Variants in NEK1 observed in about 807,000 individuals in gnomAD.
NEK1 encodes serine/threonine-protein kinase Nek1.
Under a neutral mutation model 182.1 loss-of-function variants are expected in NEK1, and 137 were observed. The ratio of observed to expected loss-of-function variants is 0.75; its 90% confidence interval spans 0.65 to 0.87. NEK1 has a LOEUF of 0.87. NEK1 is among the 40% of genes least tolerant of loss of function. NEK1 has a pLI of 0.00. For missense variants in NEK1, 1,391 were observed against 1,494.4 expected, an observed-to-expected ratio of 0.93 and a Z score of 1.14; for synonymous variants, 513 against 492.2, an observed-to-expected ratio of 1.04 and a Z score of -0.56.
At position 169,491,977 on chromosome 4, in the gene NEK1, C is replaced by T. The variant is rs1359467342; in HGVS notation, c.2008-12443G>A. Among the ~76,000 whole-genome samples the T allele has an allele frequency of 3.3e-5, 5 of 152,138 alleles. No individual in the cohort carries two copies. The East Asian group carries it at 9.6e-4, about 29-fold the overall frequency. On this transcript the variant is annotated intron_variant, in intron 23 of 35. Transcript: ENST00000507142. Reference sequence around the variant, plus strand: ...TGCTTTGTGTAAGCCTCATGATTAACTACAAAGCAAAAAACTACAGTAGAT... The same window carrying T: ...TGCTTTGTGTAAGCCTCATGATTAATTACAAAGCAAAAAACTACAGTAGAT...
chr4:169,605,417 G>C (rs1467868996), intron 2 of NEK1, among the ~76,000 whole-genome samples: 2 of 152,076 alleles, frequency 1.3e-5, no homozygotes, highest in African/African-American at 4.8e-5. Flanking sequence ...ATGACTTTCA[G>C]GAAAACAGAC....
At chr4:169,418,971 G>A (rs1735002354) in intron 31 of NEK1, among the ~76,000 whole-genome samples, 1 of 151,986 alleles carries the variant, frequency 6.6e-6, no homozygotes, top group Admixed American at 6.6e-5. Flanking sequence ...TTATAATAAA[G>A]CTGAAAAATT....
intron 27 of NEK1, among the ~76,000 whole-genome samples, chr4:169,455,452 G>A (rs1337683110): frequency 1.3e-5 from 2 of 151,772 alleles, no homozygotes; most frequent in Admixed American, 1.3e-4. Context: ...AACCAAAAAA[G>A]GGCAGAAGTA....
intron 23 of NEK1, among the ~76,000 whole-genome samples, chr4:169,496,651 A>T (rs1039577408): frequency 2.0e-5 from 3 of 147,030 alleles, no homozygotes; most frequent in Admixed American, 2.0e-4. Context: ...TTCTGCATCT[A>T]TTGAGATAAT....
At chr4:169,498,472 A>G (rs924607521) in intron 23 of NEK1, among the ~76,000 whole-genome samples, 2 of 152,148 alleles carry the variant, frequency 1.3e-5, no homozygotes, top group Non-Finnish European at 2.9e-5. Flanking sequence ...TATTTTGCTC[A>G]TTAGTTGATG....
rs557237602 is a variant in NEK1, at chr4:169,424,455, T to A, written c.3222+98A>T. 18 of 1,353,420 alleles carry A rather than the reference T, an allele frequency of 1.3e-5. No individual in the cohort carries two copies. In the African/African-American group the frequency reaches 2.5e-4, roughly 19 times the overall value. 83.8% of individuals were successfully genotyped at this position (1,353,420 alleles called of 1,614,324 possible). Reference sequence around the variant, plus strand: ...TTTGTTGGATGTGTGTTTGTGTCTGTGTTAAGAGATTAAAACTCAATATTA... The same window carrying A: ...TTTGTTGGATGTGTGTTTGTGTCTGAGTTAAGAGATTAAAACTCAATATTA... On this transcript the variant is annotated intron_variant, in intron 31 of 35. Coordinates refer to ENST00000507142, the MANE Select transcript of NEK1 (RefSeq NM_001199397.3).
At chr4:169,528,032 A>G (rs759432861) in intron 19 of NEK1, among the ~76,000 whole-genome samples, 19 of 152,150 alleles carry the variant, frequency 1.2e-4, no homozygotes, top group Admixed American at 2.0e-4. Flanking sequence ...AATGGGTATA[A>G]TACTATAAAA....
chr4:169,512,110 T>A (rs934506191), intron 19 of NEK1, among the ~76,000 whole-genome samples: 1 of 152,150 alleles, frequency 6.6e-6, no homozygotes, highest in African/African-American at 2.4e-5. Context: ...ACAACAAGTT[T>A]TCTTTTCTCT....
chr4:169,542,180 C>T (rs755540039), intron 18 of NEK1, among the ~76,000 whole-genome samples: 2 of 152,072 alleles, frequency 1.3e-5, no homozygotes, highest in African/African-American at 4.8e-5. Flanking sequence ...AGCCCCCGAC[C>T]GGCCCCAGTG....
chr4:169,589,385 C>T (rs1277619536), intron 7 of NEK1, 62 bp downstream of exon 7: 2 of 910,474 alleles, frequency 2.2e-6, no homozygotes, highest in East Asian at 2.7e-5. Context: ...ACATATACAT[C>T]ATCATGGATT....
At chr4:169,479,055 G>C (rs1002597572) in intron 24 of NEK1, among the ~76,000 whole-genome samples, 1 of 152,110 alleles carries the variant, frequency 6.6e-6, no homozygotes, top group Non-Finnish European at 1.5e-5. Flanking sequence ...GCACCAAAGA[G>C]ACATTATTCT....
In NEK1 at chr4:169,561,699, T is replaced by C. The variant is rs1401691088; in HGVS notation, c.1179A>G (p.Gln393=). 1 of 1,568,230 alleles carries C rather than the reference T, an allele frequency of 6.4e-7. No individual in the cohort carries two copies. The highest frequency in any genetic ancestry group is 1.4e-5 in the African/African-American group (1 of 73,616). The change falls in exon 15 of 36, where the codon CAA becomes CAG. Residue 393 remains glutamine (Q), a synonymous_variant. Coordinates refer to ENST00000507142, the MANE Select transcript of NEK1 (RefSeq NM_001199397.3). Reference sequence around the variant, plus strand: ...ATTATCCTCTTACCCTTTCCTTTTCTTGCCTTTTCATTTGTTCAGCCTTCA... The same window carrying C: ...ATTATCCTCTTACCCTTTCCTTTTCCTGCCTTTTCATTTGTTCAGCCTTCA... ...SLMKAEQMKR[Q]EKERLERINR... is the part of the protein sequence containing the mutation.
At chr4:169,573,043 G>A (rs982801044) in intron 12 of NEK1, among the ~76,000 whole-genome samples, 1 of 152,212 alleles carries the variant, frequency 6.6e-6, no homozygotes. Flanking sequence ...ATATTTGTTT[G>A]CTAACATGAA....
intron 28 of NEK1, among the ~76,000 whole-genome samples, chr4:169,437,374 G>A (rs1046917387): frequency 2.1e-4 from 32 of 152,140 alleles, no homozygotes; most frequent in African/African-American, 7.2e-4. Context: ...AGGTGTGAGT[G>A]TATTTTGCAT....
chr4:169,571,507 A>T (rs1420189758), intron 12 of NEK1, among the ~76,000 whole-genome samples: 2 of 152,248 alleles, frequency 1.3e-5, no homozygotes, highest in East Asian at 1.9e-4. Flanking sequence ...TACTTGATAT[A>T]GTGTGATCAA....
intron 28 of NEK1, among the ~76,000 whole-genome samples, chr4:169,434,522 AT>A (rs1738038065): frequency 1.3e-5 from 2 of 152,306 alleles, no homozygotes; most frequent in African/African-American, 4.8e-5. Context: ...CTGACCCTCA[AT>A]TAACATCAAG....
chr4:169,492,427 G>C (rs1367033924), intron 23 of NEK1, among the ~76,000 whole-genome samples: 1 of 152,194 alleles, frequency 6.6e-6, no homozygotes, highest in Admixed American at 6.5e-5. Context: ...TCAGAGTCCA[G>C]CAGAAACTGT....
chr4:169,458,784 C>T (rs1266109234), intron 27 of NEK1, among the ~76,000 whole-genome samples: 4 of 142,714 alleles, frequency 2.8e-5, no homozygotes, highest in East Asian at 4.2e-4. Flanking sequence ...AGCCATGTTG[C>T]AACACTGCAC....
At chr4:169,504,454 C>A (rs781093794) in intron 23 of NEK1, among the ~76,000 whole-genome samples, 4 of 152,110 alleles carry the variant, frequency 2.6e-5, no homozygotes, top group Non-Finnish European at 4.4e-5. Flanking sequence ...GGACTAGTCA[C>A]AATAGCCAAA....
Sources: gnomAD v4.1 joint callset for allele counts (sites outside exome capture counted in the v4.1 genomes callset) on GRCh38, gnomAD v4.1.1 for gene constraint, MANE v1.5 for transcripts, NCBI Gene and HGNC (gene_info 2026-07-23, HGNC 2026-07-21) for gene names.